Variants in LRP1B observed in about 807,000 individuals in gnomAD.
LRP1B encodes the protein LDL receptor related protein 1B, also known as low-density lipoprotein receptor-related protein 1B.
In LRP1B, 217 loss-of-function variants were observed where a neutral mutation model predicts 556.6. The observed-to-expected ratio is 0.39, with a 90% confidence interval of 0.35 to 0.44. The LOEUF is 0.44. Among genes scored for constraint, LRP1B ranks in the 20% least tolerant of loss-of-function variants. The pLI, the probability that LRP1B is intolerant of heterozygous loss-of-function variation, is 1.00. For synonymous variants in LRP1B, 2,047 were observed against 1,865.8 expected, an observed-to-expected ratio of 1.10 and a Z score of -2.50; for missense variants, 5,053 against 5,620.8, an observed-to-expected ratio of 0.90 and a Z score of 3.23.
chr2:142,047,522 A>C (rs1482266548), intron 1 of LRP1B, among the ~76,000 whole-genome samples: 1 of 150,688 alleles, frequency 6.6e-6, no homozygotes, highest in African/African-American at 2.5e-5. Context: ...GGGATATTTT[A>C]TGTTTTTTTT....
At chr2:140,759,754 G>A (rs143758302) in intron 35 of LRP1B, among the ~76,000 whole-genome samples, 195 of 152,264 alleles carry the variant, frequency 1.3e-3, no homozygotes, top group African/African-American at 4.3e-3. Context: ...AACATTCAGC[G>A]CGCCTTGGTG....
chr2:140,732,176 C>T lies in LRP1B; in HGVS notation c.5759-15360G>A, dbSNP rs142486120. ...GGAGGGGTTCATTATTCTCTTCTCT[C>T]TACTTTTTTTTTTAATGTTTCAAAG... On this transcript the variant is annotated intron_variant, in intron 35 of 90. Coordinates refer to ENST00000389484, the MANE Select transcript of LRP1B (RefSeq NM_018557.3). Among the ~76,000 whole-genome samples the T allele has an allele frequency of 5.3e-5, 8 of 151,298 alleles. No homozygotes were observed. The East Asian group carries it at 1.6e-3, about 29-fold the overall frequency.
chr2:141,147,851 T>C (rs935058638), intron 7 of LRP1B, among the ~76,000 whole-genome samples: 2 of 152,188 alleles, frequency 1.3e-5, no homozygotes, highest in Non-Finnish European at 2.9e-5. Context: ...TAATACCGTA[T>C]TTTTCCTTTT....
chr2:141,643,093 T>C (rs1689407587), intron 2 of LRP1B, among the ~76,000 whole-genome samples: 1 of 152,200 alleles, frequency 6.6e-6, no homozygotes, highest in African/African-American at 2.4e-5. Flanking sequence ...AATTAAAAAG[T>C]AGACATCTGA....
chr2:140,537,406 A>G (rs7565092), intron 45 of LRP1B, among the ~76,000 whole-genome samples: 150,154 of 151,854 alleles, frequency 0.99, 74,258 homozygotes, highest in Middle Eastern at 1. Flanking sequence ...CAAATGAACA[A>G]TCCGGACTTT....
At chr2:141,676,344 C>T (rs1204600868) in intron 2 of LRP1B, among the ~76,000 whole-genome samples, 1 of 152,086 alleles carries the variant, frequency 6.6e-6, no homozygotes, top group Non-Finnish European at 1.5e-5. Flanking sequence ...GTCATGTTGA[C>T]CATTGTTCCA....
intron 47 of LRP1B, among the ~76,000 whole-genome samples, chr2:140,531,575 A>C (rs1690693922): frequency 6.6e-6 from 1 of 152,166 alleles, no homozygotes; most frequent in Admixed American, 6.6e-5. Context: ...TAATTTGCAC[A>C]CATTCTGCCC....
chr2:141,195,680 T>A (rs1681720403), intron 6 of LRP1B, among the ~76,000 whole-genome samples: 1 of 152,060 alleles, frequency 6.6e-6, no homozygotes, highest in South Asian at 2.1e-4. Context: ...AATCCGTAAA[T>A]GCTCATAAAT....
chr2:141,409,490 C>T (rs1690769338), intron 3 of LRP1B, among the ~76,000 whole-genome samples: 1 of 152,066 alleles, frequency 6.6e-6, no homozygotes, highest in Non-Finnish European at 1.5e-5. Flanking sequence ...AATCAGTTCC[C>T]TTCTCCTCTC....
chr2:141,645,897 A>G (rs1467810746), intron 2 of LRP1B, among the ~76,000 whole-genome samples: 1 of 152,138 alleles, frequency 6.6e-6, no homozygotes, highest in East Asian at 1.9e-4. Context: ...GATTTAGTGC[A>G]TTTTGATTTA....
intron 2 of LRP1B, among the ~76,000 whole-genome samples, chr2:141,749,194 A>G (rs918625419): frequency 2.0e-5 from 3 of 152,192 alleles, no homozygotes; most frequent in Non-Finnish European, 4.4e-5. Context: ...TATCAAAATG[A>G]ATATTAAAAT....
chr2:141,175,318 T>A (rs1680687406), intron 7 of LRP1B, among the ~76,000 whole-genome samples: 1 of 151,994 alleles, frequency 6.6e-6, no homozygotes, highest in South Asian at 2.1e-4. Flanking sequence ...ACCAAGACAA[T>A]GAAGAAAACC....
chr2:140,748,117 A>G (rs1559093571), intron 35 of LRP1B, among the ~76,000 whole-genome samples: 2 of 133,018 alleles, frequency 1.5e-5, no homozygotes, highest in Non-Finnish European at 3.2e-5. Flanking sequence ...ATATATATAT[A>G]TATATATATA....
chr2:140,660,687 TTTC>T (rs1367664538), intron 41 of LRP1B, among the ~76,000 whole-genome samples: 3 of 152,070 alleles, frequency 2.0e-5, no homozygotes, highest in Non-Finnish European at 4.4e-5. Flanking sequence ...ACGTCTTTCT[TTTC>T]TTTGTTTTAT....
chr2:140,563,351 T>C (rs1440670251), intron 43 of LRP1B, among the ~76,000 whole-genome samples: 2 of 152,320 alleles, frequency 1.3e-5, no homozygotes, highest in East Asian at 3.9e-4. Flanking sequence ...TATTTTCTAT[T>C]TCATTCTTCT....
At chr2:142,038,283 T>C (rs1703954230) in intron 1 of LRP1B, among the ~76,000 whole-genome samples, 2 of 151,590 alleles carry the variant, frequency 1.3e-5, no homozygotes, top group African/African-American at 4.8e-5. Flanking sequence ...ACAGTGGGTT[T>C]GGTCCCCGAT....
intron 2 of LRP1B, among the ~76,000 whole-genome samples, chr2:141,633,188 C>T (rs547549605): frequency 6.6e-6 from 1 of 152,228 alleles, no homozygotes; most frequent in African/African-American, 2.4e-5. Flanking sequence ...TACATAATAA[C>T]TCAAAGGAGA....
intron 2 of LRP1B, among the ~76,000 whole-genome samples, chr2:141,779,012 T>C (rs1695160587): frequency 6.6e-6 from 1 of 152,180 alleles, no homozygotes; most frequent in Admixed American, 6.5e-5. Flanking sequence ...CTCAGGGCTG[T>C]GGTCTACTTA....
rs1024712981 is a variant in LRP1B at position 140,650,379 on chromosome 2, C to T, written c.6800-48740G>A. Among the ~76,000 whole-genome samples the T allele has an allele frequency of 1.3e-3, 198 of 149,986 alleles. 2 individuals are homozygous for T. Among genetic ancestry groups the T allele is most frequent in the Non-Finnish European group, 1.8e-4 (12 of 67,538 alleles). On this transcript the variant is annotated intron_variant, in intron 41 of 90. Transcript: ENST00000389484. The stretch of plus-strand genomic sequence containing the variant: ...TTTATTTATTTTTGAGAAGGAGTCT[C>T]ACTCTGTTGCCTAGGCTGGAGTGCA...
Sources: allele counts gnomAD v4.1 joint callset (sites outside exome capture counted in the v4.1 genomes callset), GRCh38; gene constraint gnomAD v4.1.1; transcripts MANE v1.5; gene names NCBI Gene and HGNC (gene_info 2026-07-23, HGNC 2026-07-21).